The following SYT9 variants were observed in gnomAD, a reference collection of about 807,000 sequenced individuals.
SYT9 encodes synaptotagmin-9.
A neutral mutation model predicts 48.4 loss-of-function variants in SYT9; 22 were observed. That is an observed-to-expected ratio of 0.45 (90% CI 0.32 to 0.65). The LOEUF (loss-of-function observed/expected upper bound fraction) is 0.65. SYT9 is among the 30% of genes least tolerant of loss of function. The pLI, the probability that SYT9 is intolerant of heterozygous loss-of-function variation, is 0.03. For synonymous variants in SYT9, 265 were observed against 245.0 expected (o/e 1.08, Z -0.76); for missense variants, 577 against 622.0 (o/e 0.93, Z 0.77).
intron 6 of SYT9, among the ~76,000 whole-genome samples, chr11:7,429,609 A>G (rs1303803134): frequency 5.9e-5 from 9 of 152,220 alleles, no homozygotes; most frequent in Admixed American, 3.3e-4. Context: ...CATCTTATTT[A>G]GGATACAGGT....
intron 6 of SYT9, among the ~76,000 whole-genome samples, chr11:7,429,397 T>G (rs180988109): frequency 2.0e-5 from 3 of 152,266 alleles, no homozygotes; most frequent in Non-Finnish European, 4.4e-5. Context: ...CTTCTTTGGA[T>G]CTCTATAGAA....
rs918728980 is a variant in SYT9 at position 7,468,308 on chromosome 11, C to A, written c.*1508C>A. On this transcript the variant is annotated 3_prime_UTR_variant, in exon 7 of 7. Coordinates refer to ENST00000318881, the MANE Select transcript of SYT9 (RefSeq NM_175733.4). ...ATTGCCCCAGCTGCCTAGTACTATACAAGAAGCTCTACTTTGATGGCAGAT... is the reference window on the plus strand; with the variant it reads ...ATTGCCCCAGCTGCCTAGTACTATAAAAGAAGCTCTACTTTGATGGCAGAT... 1.5e-5 allele frequency: 6 copies of A among 398,514 alleles called. No individual in the cohort carries two copies. Among genetic ancestry groups the A allele is most frequent in the Non-Finnish European group, 2.7e-5 (6 of 226,050 alleles). The allele number at this position is 398,514 out of a possible 1,614,324, so 24.7% of individuals were successfully genotyped here.
intron 3 of SYT9, among the ~76,000 whole-genome samples, chr11:7,331,332 A>T (rs1324895708): frequency 6.6e-6 from 1 of 151,054 alleles, no homozygotes; most frequent in Non-Finnish European, 1.5e-5. Context: ...GAAGACTAGG[A>T]TCTAGTGGCA....
chr11:7,276,296 GC>G (rs1467842987), intron 1 of SYT9, among the ~76,000 whole-genome samples: 1 of 152,024 alleles, frequency 6.6e-6, no homozygotes, highest in Non-Finnish European at 1.5e-5. Flanking sequence ...CTTATTTCCA[GC>G]CATCAGACCT....
chr11:7,468,211 G>C lies in SYT9; in HGVS notation c.*1411G>C, dbSNP rs552493361. The C allele has an allele frequency of 2.5e-6, 1 of 398,568 alleles. No individual in the cohort carries two copies. Among genetic ancestry groups the C allele is most frequent in the Admixed American group, 4.4e-5 (1 of 22,736 alleles). The allele number at this position is 398,568 out of a possible 1,614,324, so 24.7% of individuals were successfully genotyped here. A position where few individuals can be genotyped will look rare whatever the true frequency, so the allele number is the denominator to read the frequency against. ...CCTTCCTGGAAAGCTCATTATCTCT[G>C]TTTGAATTAACATTTCAGCATGGAA... On this transcript the variant is annotated 3_prime_UTR_variant, in exon 7 of 7. Coordinates refer to ENST00000318881, the MANE Select transcript of SYT9 (RefSeq NM_175733.4).
intron 3 of SYT9, among the ~76,000 whole-genome samples, chr11:7,340,167 T>C (rs1224999424): frequency 6.6e-6 from 1 of 152,222 alleles, no homozygotes; most frequent in Non-Finnish European, 1.5e-5. Context: ...ATACTTGCAA[T>C]TGTATTGTGA....
chr11:7,349,606 G>C (rs780595745), intron 3 of SYT9, among the ~76,000 whole-genome samples: 20 of 152,152 alleles, frequency 1.3e-4, no homozygotes, highest in Non-Finnish European at 2.4e-4. Context: ...GCTTCCCAGA[G>C]CCCAGGCCTA....
In SYT9 at chr11:7,306,097, T is replaced by G. The variant is rs114951875; in HGVS notation, c.497+2707T>G. On this transcript the variant is annotated intron_variant, in intron 2 of 6. Transcript: ENST00000318881. ...AGTACCATCCAAAATTCCTGTCAAT[T>G]CTTTTTGATTTGAATGAAGTCCCTT... Among the ~76,000 whole-genome samples, 401 of 152,282 alleles carry G rather than the reference T, an allele frequency of 2.6e-3. 3 individuals carry two copies. Among genetic ancestry groups the G allele is most frequent in the African/African-American group, 8.8e-3 (365 of 41,560 alleles).
rs755556662 is a variant in SYT9 at position 7,462,996 on chromosome 11, T to C, written c.1468-3796T>C. On this transcript the variant is annotated intron_variant, in intron 6 of 6. Transcript: ENST00000318881. Reference sequence around the variant, plus strand: ...GGACAGTTCTCATCTTTGGTTTCAATTCAATTTAATTCAAATTAGATCCTT... The same window carrying C: ...GGACAGTTCTCATCTTTGGTTTCAACTCAATTTAATTCAAATTAGATCCTT... Among the ~76,000 whole-genome samples the C allele has an allele frequency of 5.1e-4, 77 of 152,246 alleles. 1 individual carries two copies. Among genetic ancestry groups the C allele is most frequent in the Non-Finnish European group, 1.6e-4 (11 of 68,044 alleles).
chr11:7,250,662 C>A (rs182362850), upstream of SYT9, among the ~76,000 whole-genome samples: 33 of 152,256 alleles, frequency 2.2e-4, no homozygotes, highest in Middle Eastern at 3.4e-3. Flanking sequence ...CTCTGCTATT[C>A]CCATGTAAGT....
chr11:7,409,940 T>C (rs1418699160), intron 3 of SYT9, among the ~76,000 whole-genome samples: 1 of 152,274 alleles, frequency 6.6e-6, no homozygotes, highest in African/African-American at 2.4e-5. Flanking sequence ...ATCATTGGGT[T>C]GTTTGTTTGA....
rs1345809506 is a variant in SYT9 at position 7,356,408 on chromosome 11, C to T, written c.1044+42467C>T. ...TGAGCAATTAACATCAAGGCTGTAGCCTTAGCAACCTGTGCCTGGCTTGGG... is the reference window on the plus strand; with the variant it reads ...TGAGCAATTAACATCAAGGCTGTAGTCTTAGCAACCTGTGCCTGGCTTGGG... On this transcript the variant is annotated intron_variant, in intron 3 of 6. Coordinates refer to ENST00000318881, the MANE Select transcript of SYT9 (RefSeq NM_175733.4). Among the ~76,000 whole-genome samples, 3 of 152,192 alleles carry T rather than the reference C, an allele frequency of 2.0e-5. No individual in the cohort carries two copies. The East Asian group carries it at 5.8e-4, about 29-fold the overall frequency.
chr11:7,429,323 A>G (rs185871416), intron 6 of SYT9, among the ~76,000 whole-genome samples: 1 of 152,326 alleles, frequency 6.6e-6, no homozygotes, highest in Non-Finnish European at 1.5e-5. Flanking sequence ...ATGTTTGGAC[A>G]AAGATGCTCT....
At chr11:7,335,952 C>G (rs1198060667) in intron 3 of SYT9, among the ~76,000 whole-genome samples, 1 of 152,164 alleles carries the variant, frequency 6.6e-6, no homozygotes, top group Non-Finnish European at 1.5e-5. Context: ...AATTTACACT[C>G]CCACCAACAG....
chr11:7,288,242 C>G (rs1389326824), intron 1 of SYT9, among the ~76,000 whole-genome samples: 2 of 151,192 alleles, frequency 1.3e-5, no homozygotes, highest in East Asian at 3.9e-4. Flanking sequence ...GACTATGTAC[C>G]TGGCTATTGT....
upstream of SYT9, among the ~76,000 whole-genome samples, chr11:7,249,479 A>G (rs1321283561): frequency 2.0e-5 from 3 of 152,238 alleles, no homozygotes; most frequent in Non-Finnish European, 4.4e-5. Context: ...CTTTGGAAAC[A>G]GTCTACCAAT....
At chr11:7,254,501 G>A (rs1370865688) in intron 1 of SYT9, among the ~76,000 whole-genome samples, 1 of 152,148 alleles carries the variant, frequency 6.6e-6, no homozygotes, top group Non-Finnish European at 1.5e-5. Flanking sequence ...TGAAGCAAGA[G>A]TGTCTTTAAT....
intron 2 of SYT9, among the ~76,000 whole-genome samples, chr11:7,310,530 T>A (rs1414912434): frequency 6.9e-6 from 1 of 145,770 alleles, no homozygotes; most frequent in African/African-American, 2.6e-5. Flanking sequence ...CACTGCAAGC[T>A]CCGGCTCCCA....
intron 3 of SYT9, among the ~76,000 whole-genome samples, chr11:7,388,703 T>G (rs1332172360): frequency 1.3e-5 from 2 of 152,194 alleles, no homozygotes; most frequent in Non-Finnish European, 1.5e-5. Flanking sequence ...GTATATCTGT[T>G]TTTCATCCTG....
Sources: allele counts gnomAD v4.1 joint callset (sites outside exome capture counted in the v4.1 genomes callset), GRCh38; gene constraint gnomAD v4.1.1; transcripts MANE v1.5; gene names NCBI Gene and HGNC (gene_info 2026-07-23, HGNC 2026-07-21).